Variants in NR3C2 observed in about 807,000 individuals in gnomAD.
The protein encoded by NR3C2 is mineralocorticoid receptor.
Under a neutral mutation model 86.4 loss-of-function variants are expected in NR3C2, and 15 were observed. The observed-to-expected ratio is 0.17, with a 90% confidence interval of 0.12 to 0.27. NR3C2 has a LOEUF of 0.27. Among genes scored for constraint, NR3C2 ranks in the 10% least tolerant of loss-of-function variants. The pLI is 1.00. For synonymous variants in NR3C2, 458 were observed against 450.5 expected (o/e 1.02, Z -0.21); for missense variants, 960 against 1,195.6 (o/e 0.80, Z 2.91).
intron 4 of NR3C2, among the ~76,000 whole-genome samples, chr4:148,167,266 GCTGA>G (rs1734920583): frequency 1.3e-5 from 2 of 152,198 alleles, no homozygotes; most frequent in Admixed American, 1.3e-4. Context: ...GCTCTTCACT[GCTGA>G]CTTAGAATAA....
At chr4:148,170,957 C>G (rs1735098556) in intron 4 of NR3C2, among the ~76,000 whole-genome samples, 1 of 152,188 alleles carries the variant, frequency 6.6e-6, no homozygotes, top group Non-Finnish European at 1.5e-5. Context: ...CTGACAAGCA[C>G]ATATCCTGAA....
At chr4:148,118,579 C>T (rs1255959279) in intron 7 of NR3C2, among the ~76,000 whole-genome samples, 1 of 152,172 alleles carries the variant, frequency 6.6e-6, no homozygotes, top group African/African-American at 2.4e-5. Flanking sequence ...TCTCCATGCT[C>T]ATACCTGTCT....
chr4:148,197,707 A>C (rs1029378505), intron 3 of NR3C2, among the ~76,000 whole-genome samples: 4 of 152,224 alleles, frequency 2.6e-5, no homozygotes, highest in Non-Finnish European at 5.9e-5. Flanking sequence ...CCCGAAAACA[A>C]TATTTCATCT....
chr4:148,104,342 G>GGTTTGTTTTTTTTTTTT (rs1731686588), intron 8 of NR3C2, among the ~76,000 whole-genome samples: 1 of 63,794 alleles, frequency 1.6e-5, no homozygotes. Context: ...TTTTGGTTTG[G>GGTTTGTTTTTTTTTTTT]TTTTTTTTTT....
At position 148,436,397 on chromosome 4, in the gene NR3C2, C is replaced by T. The variant is rs1290587815; in HGVS notation, c.464G>A (p.Ser155Asn). The change falls in exon 2 of 9, where the codon AGT becomes AAT. Residue 155 changes from serine (S) to asparagine (N), a missense_variant. This residue lies in a region of NR3C2 where 680 missense variants were observed against 719.0 expected (regional missense o/e 0.95). Coordinates refer to ENST00000358102, the MANE Select transcript of NR3C2 (RefSeq NM_000901.5). ...KGNGHRPSTL[S>N]CVNTPLRSFM... ...TGATCTCAAGGGCGTGTTCACACAA[C>T]TTAGAGTGGAAGGACGATGGCCATT... 6.2e-7 allele frequency: 1 copy of T among 1,614,182 alleles called. No individual in the cohort carries two copies. Among genetic ancestry groups the T allele is most frequent in the Non-Finnish European group, 8.5e-7 (1 of 1,180,038 alleles).
intron 6 of NR3C2, among the ~76,000 whole-genome samples, chr4:148,121,866 C>T (rs1732517982): frequency 6.6e-6 from 1 of 152,176 alleles, no homozygotes; most frequent in Non-Finnish European, 1.5e-5. Flanking sequence ...TTTACTTATC[C>T]ATTCCACTAC....
chr4:148,373,336 C>G (rs1481429707), intron 2 of NR3C2, among the ~76,000 whole-genome samples: 1 of 152,136 alleles, frequency 6.6e-6, no homozygotes, highest in Non-Finnish European at 1.5e-5. Flanking sequence ...ACATCACACT[C>G]AGATTTTTCT....
intron 2 of NR3C2, among the ~76,000 whole-genome samples, chr4:148,354,881 G>A (rs1745476459): frequency 6.6e-6 from 1 of 152,006 alleles, no homozygotes; most frequent in South Asian, 2.1e-4. Context: ...GTAGCTAGGA[G>A]AAACATGAAA....
intron 2 of NR3C2, among the ~76,000 whole-genome samples, chr4:148,291,941 A>G (rs140775683): frequency 2.0e-5 from 3 of 152,262 alleles, no homozygotes; most frequent in East Asian, 1.9e-4. Context: ...AGCCTATTTC[A>G]TAACAGCATG....
chr4:148,264,261 G>A (rs1402356974), intron 2 of NR3C2, among the ~76,000 whole-genome samples: 2 of 152,178 alleles, frequency 1.3e-5, no homozygotes, highest in African/African-American at 4.8e-5. Context: ...AGTCTCTATT[G>A]ACACACTATC....
intron 2 of NR3C2, among the ~76,000 whole-genome samples, chr4:148,354,041 G>C (rs534404786): frequency 5.9e-5 from 9 of 152,170 alleles, no homozygotes; most frequent in African/African-American, 2.2e-4. Flanking sequence ...CAAAATTACA[G>C]TTGACCCTTT....
At chr4:148,272,156 G>T (rs953978688) in intron 2 of NR3C2, among the ~76,000 whole-genome samples, 1 of 152,088 alleles carries the variant, frequency 6.6e-6, no homozygotes, top group Non-Finnish European at 1.5e-5. Context: ...TCTAGTATGA[G>T]GGAATAGCAA....
At chr4:148,225,724 C>T (rs551739651) in intron 3 of NR3C2, among the ~76,000 whole-genome samples, 1 of 152,106 alleles carries the variant, frequency 6.6e-6, no homozygotes, top group South Asian at 2.1e-4. Context: ...TATAAAAACA[C>T]AAGAAAAACA....
In NR3C2 at chr4:148,256,481, G is replaced by A. The variant is rs565118476; in HGVS notation, c.1897+3497C>T. On this transcript the variant is annotated intron_variant, in intron 3 of 8. Coordinates refer to ENST00000358102, the MANE Select transcript of NR3C2 (RefSeq NM_000901.5). ...TATAAAATCTGTACAAACATTTTCAGGTAATTTTTCACAGCAATGTTCGGG... is the reference window on the plus strand; with the variant it reads ...TATAAAATCTGTACAAACATTTTCAAGTAATTTTTCACAGCAATGTTCGGG... Among the ~76,000 whole-genome samples, 3 of 152,202 alleles carry A rather than the reference G, an allele frequency of 2.0e-5. No homozygotes were observed. In the South Asian group the frequency reaches 6.2e-4, roughly 32 times the overall value.
chr4:148,185,054 G>A (rs1245454749), intron 4 of NR3C2, among the ~76,000 whole-genome samples: 1 of 152,102 alleles, frequency 6.6e-6, no homozygotes, highest in Non-Finnish European at 1.5e-5. Context: ...AAGCCACAAC[G>A]AACCACCCCA....
At chr4:148,280,464 T>A (rs192627594) in intron 2 of NR3C2, among the ~76,000 whole-genome samples, 1 of 152,286 alleles carries the variant, frequency 6.6e-6, no homozygotes, top group East Asian at 1.9e-4. Flanking sequence ...AGTTTTCACA[T>A]TGCCTTAGCA....
chr4:148,314,674 T>C (rs961632369), intron 2 of NR3C2, among the ~76,000 whole-genome samples: 3 of 152,184 alleles, frequency 2.0e-5, no homozygotes, highest in Non-Finnish European at 4.4e-5. Flanking sequence ...AAGTATCTAA[T>C]GTCTACATTG....
At chr4:148,427,991 G>A (rs557855573) in intron 2 of NR3C2, among the ~76,000 whole-genome samples, 6 of 152,208 alleles carry the variant, frequency 3.9e-5, no homozygotes, top group Non-Finnish European at 7.4e-5. Flanking sequence ...TGAAGAATGG[G>A]GTGCTTACAC....
At chr4:148,196,198 G>A (rs1445937430) in intron 3 of NR3C2, among the ~76,000 whole-genome samples, 1 of 152,156 alleles carries the variant, frequency 6.6e-6, no homozygotes, top group East Asian at 1.9e-4. Flanking sequence ...GAGGAGTTAA[G>A]AAGGCCTTAA....
Sources: allele counts gnomAD v4.1 joint callset (sites outside exome capture counted in the v4.1 genomes callset), GRCh38; gene constraint gnomAD v4.1.1; regional missense constraint gnomAD v4.1.1; transcripts MANE v1.5; gene names NCBI Gene and HGNC (gene_info 2026-07-23, HGNC 2026-07-21).